Variants in AGBL1 observed in about 807,000 individuals in gnomAD.
AGBL1 encodes the protein AGBL carboxypeptidase 1.
A neutral mutation model predicts 118.9 loss-of-function variants in AGBL1; 130 were observed. The ratio of observed to expected loss-of-function variants is 1.09; its 90% CI spans 0.95 to 1.26. The LOEUF (loss-of-function observed/expected upper bound fraction) is 1.26, where lower values mean the gene tolerates loss of function less well. AGBL1 is among the 50% of genes most tolerant of loss of function. The pLI, the probability that AGBL1 is intolerant of heterozygous loss-of-function variation, is 0.00. For synonymous variants in AGBL1, 555 were observed against 478.9 expected (o/e 1.16, Z -2.08); for missense variants, 1,584 against 1,298.1 (o/e 1.22, Z -3.38).
At chr15:86,104,910 C>T (rs1032708996) in intron 1 of AGBL1, 51 of 152,152 alleles carry the variant, frequency 3.4e-4, no homozygotes, top group African/African-American at 1.2e-3. Flanking sequence ...TTTCCCATGG[C>T]TAGGGTTGCA....
At chr15:86,294,574 T>G (rs1187590231) in intron 16 of AGBL1, among the ~76,000 whole-genome samples, 1 of 152,074 alleles carries the variant, frequency 6.6e-6, no homozygotes, top group African/African-American at 2.4e-5. Context: ...ACGTCTATTA[T>G]TTTTTCAATG....
intron 5 of AGBL1, among the ~76,000 whole-genome samples, chr15:86,184,408 T>C (rs2077596012): frequency 6.6e-6 from 1 of 151,748 alleles, no homozygotes; most frequent in African/African-American, 2.4e-5. Flanking sequence ...TTATACACGA[T>C]CTATTCCTTA....
chr15:86,804,765 C>T (rs181182387), intron 22 of AGBL1, among the ~76,000 whole-genome samples: 1 of 152,080 alleles, frequency 6.6e-6, no homozygotes, highest in East Asian at 1.9e-4. Context: ...GAGTGTGAGG[C>T]CCTGAGTTTT....
chr15:86,457,796 C>T (rs920202997), intron 18 of AGBL1, among the ~76,000 whole-genome samples: 2 of 152,132 alleles, frequency 1.3e-5, no homozygotes, highest in East Asian at 1.9e-4. Flanking sequence ...GGTTAATAAT[C>T]TACCAGCAAA....
At chr15:86,467,049 A>T (rs545169895) in intron 18 of AGBL1, among the ~76,000 whole-genome samples, 2 of 152,290 alleles carry the variant, frequency 1.3e-5, no homozygotes, top group Non-Finnish European at 2.9e-5. Flanking sequence ...AGGAACATTT[A>T]ATTCTGCTGA....
At position 86,548,671 on chromosome 15, in the gene AGBL1, A is replaced by ACG. The variant is rs767203784; in HGVS notation, c.2817+2539_2817+2540insGC. On this transcript the variant is annotated intron_variant, in intron 20 of 22. Coordinates refer to ENST00000614907, the MANE Select transcript of AGBL1 (RefSeq NM_001386094.1). The stretch of plus-strand genomic sequence containing the variant: ...CACACACACACATGCACGCACACAC[A>ACG]CACACACACACACACACACACACAC... 3.0e-3 allele frequency among the ~76,000 whole-genome samples: 435 copies of ACG among 147,270 alleles called. 2 individuals are homozygous for ACG. Among genetic ancestry groups the ACG allele is most frequent in the Non-Finnish European group, 5.3e-3 (350 of 66,586 alleles).
chr15:86,707,642 G>C (rs1180505428), intron 22 of AGBL1, among the ~76,000 whole-genome samples: 1 of 152,052 alleles, frequency 6.6e-6, no homozygotes, highest in African/African-American at 2.4e-5. Context: ...CCAAAGAAAA[G>C]CAAAGCCTCA....
intron 18 of AGBL1, among the ~76,000 whole-genome samples, chr15:86,415,412 T>C (rs1049172324): frequency 2.0e-5 from 3 of 152,230 alleles, no homozygotes; most frequent in South Asian, 2.1e-4. Context: ...ACGGGGATAA[T>C]AGCAAGTAAT....
intron 17 of AGBL1, among the ~76,000 whole-genome samples, chr15:86,348,054 G>A (rs1496877): frequency 0.47 from 70,734 of 151,862 alleles, 17,276 homozygotes; most frequent in Middle Eastern, 0.57. Context: ...GTCCCCATGC[G>A]TTTCCAATTC....
chr15:86,709,847 G>T (rs1215462205), intron 22 of AGBL1, among the ~76,000 whole-genome samples: 3 of 152,032 alleles, frequency 2.0e-5, no homozygotes, highest in African/African-American at 7.2e-5. Context: ...ATAGAGTCTG[G>T]CCCATAGTAA....
chr15:86,702,923 T>C (rs2086385392), intron 22 of AGBL1, among the ~76,000 whole-genome samples: 1 of 151,956 alleles, frequency 6.6e-6, no homozygotes, highest in African/African-American at 2.4e-5. Context: ...CAAGTGTAGA[T>C]GGAAAAGAAA....
At chr15:86,965,148 G>A (rs1649022474) in intron 23 of AGBL1, among the ~76,000 whole-genome samples, 1 of 152,136 alleles carries the variant, frequency 6.6e-6, no homozygotes, top group South Asian at 2.1e-4. Context: ...TACATACCCA[G>A]TAATGGGATT....
intron 17 of AGBL1, among the ~76,000 whole-genome samples, chr15:86,372,728 T>C (rs2080987976): frequency 6.6e-6 from 1 of 152,262 alleles, no homozygotes; most frequent in Non-Finnish European, 1.5e-5. Flanking sequence ...GGGAGGTTGC[T>C]CTCTGTCTCA....
At chr15:86,899,981 T>G (rs945964996) in intron 22 of AGBL1, among the ~76,000 whole-genome samples, 7 of 152,198 alleles carry the variant, frequency 4.6e-5, no homozygotes, top group Non-Finnish European at 8.8e-5. Context: ...CAGAAGAACA[T>G]GGAAGGACTA....
chr15:86,617,758 G>GCACACACACA (rs1053481155), intron 21 of AGBL1, among the ~76,000 whole-genome samples: 43 of 82,294 alleles, frequency 5.2e-4, no homozygotes, highest in African/African-American at 2.0e-3. Context: ...TCAACTTTAT[G>GCACACACACA]CGCACACACA....
intron 18 of AGBL1, among the ~76,000 whole-genome samples, chr15:86,449,402 C>G (rs2082165990): frequency 6.6e-6 from 1 of 152,210 alleles, no homozygotes; most frequent in Non-Finnish European, 1.5e-5. Context: ...ATGAGATCTT[C>G]AATTGGTAGA....
chr15:86,808,688 T>G (rs2078750437), intron 22 of AGBL1, among the ~76,000 whole-genome samples: 1 of 150,298 alleles, frequency 6.7e-6, no homozygotes, highest in Non-Finnish European at 1.5e-5. Context: ...TCCTTCCTTT[T>G]TCCTTCCTCC....
intron 21 of AGBL1, among the ~76,000 whole-genome samples, chr15:86,592,637 T>A (rs2084353680): frequency 6.6e-6 from 1 of 152,126 alleles, no homozygotes; most frequent in Admixed American, 6.5e-5. Context: ...ACCAGTTGAG[T>A]GTTCTTAGAG....
intron 18 of AGBL1, among the ~76,000 whole-genome samples, chr15:86,473,410 C>T (rs1310264824): frequency 6.6e-6 from 1 of 151,968 alleles, no homozygotes. Flanking sequence ...CCAGTAAATA[C>T]AAATTAAAGT....
Sources: allele counts gnomAD v4.1 joint callset (sites outside exome capture counted in the v4.1 genomes callset), GRCh38; gene constraint gnomAD v4.1.1; transcripts MANE v1.5; gene names NCBI Gene and HGNC (gene_info 2026-07-23, HGNC 2026-07-21).